DLGAP2: variants seen among roughly 807,000 people sequenced by gnomAD.
The protein encoded by DLGAP2 is disks large-associated protein 2.
In DLGAP2, 26 loss-of-function variants were observed where a neutral mutation model predicts 100.3. That is an observed-to-expected ratio of 0.26 (90% CI 0.19 to 0.36). DLGAP2 has a LOEUF of 0.36. Ranked by LOEUF, DLGAP2 falls within the 10% of genes least tolerant of loss-of-function variation. DLGAP2 has a pLI of 1.00. For missense variants in DLGAP2, 1,858 were observed against 1,453.2 expected, an observed-to-expected ratio of 1.28 and a Z score of -4.53; for synonymous variants, 886 against 630.1, an observed-to-expected ratio of 1.41 and a Z score of -6.08.
chr8:1,037,123 A>G (rs1168097484), intron 2 of DLGAP2, among the ~76,000 whole-genome samples: 1 of 152,070 alleles, frequency 6.6e-6, no homozygotes, highest in Non-Finnish European at 1.5e-5. Flanking sequence ...ATGGTCACGT[A>G]GAGAGAGAGG....
intron 4 of DLGAP2, among the ~76,000 whole-genome samples, chr8:1,542,245 TTATGGGGATATAAG>T (rs1481942331): frequency 4.6e-5 from 7 of 152,248 alleles, no homozygotes; most frequent in Non-Finnish European, 8.8e-5. Flanking sequence ...TATTCGAGCT[TTATGGGGATATAAG>T]TCACACACCA....
chr8:1,009,615 T>C (rs1192816465), intron 2 of DLGAP2, among the ~76,000 whole-genome samples: 1 of 152,226 alleles, frequency 6.6e-6, no homozygotes, highest in Non-Finnish European at 1.5e-5. Context: ...CTTGTTTCAG[T>C]TGGAAGCAGA....
At chr8:1,320,345 G>A (rs773810926) in intron 3 of DLGAP2, among the ~76,000 whole-genome samples, 4 of 151,956 alleles carry the variant, frequency 2.6e-5, no homozygotes, top group East Asian at 1.9e-4. Context: ...GCCAGGACTC[G>A]AGGGAACCGT....
chr8:1,135,627 C>T (rs1019413683), intron 2 of DLGAP2, among the ~76,000 whole-genome samples: 4 of 145,104 alleles, frequency 2.8e-5, no homozygotes, highest in African/African-American at 5.1e-5. Context: ...TCAAGGTGAT[C>T]CCTTCCTCAC....
At chr8:909,723 G>T (rs945741849) in intron 2 of DLGAP2, among the ~76,000 whole-genome samples, 4 of 152,154 alleles carry the variant, frequency 2.6e-5, no homozygotes, top group African/African-American at 9.7e-5. Flanking sequence ...TGTGGATAAG[G>T]GAAGGAGTGG....
chr8:1,298,959 G>T (rs758252909), intron 3 of DLGAP2, among the ~76,000 whole-genome samples: 1 of 152,120 alleles, frequency 6.6e-6, no homozygotes, highest in East Asian at 1.9e-4. Flanking sequence ...CGGCATTCAC[G>T]TCTGTCTCAG....
chr8:1,147,247 T>C (rs1365834905), intron 2 of DLGAP2, among the ~76,000 whole-genome samples: 1 of 152,154 alleles, frequency 6.6e-6, no homozygotes, highest in Non-Finnish European at 1.5e-5. Flanking sequence ...TATTGTAAAC[T>C]TTATGTGCGT....
chr8:1,288,317 G>C (rs1799985789), intron 3 of DLGAP2, among the ~76,000 whole-genome samples: 1 of 147,756 alleles, frequency 6.8e-6, no homozygotes, highest in East Asian at 2.1e-4. Flanking sequence ...TGTTAGGAGG[G>C]GAACTAGTTT....
At chr8:1,238,487 T>TAC (rs1798714017) in intron 2 of DLGAP2, among the ~76,000 whole-genome samples, 1 of 140,486 alleles carries the variant, frequency 7.1e-6, no homozygotes, top group African/African-American at 2.6e-5. Flanking sequence ...CATGTCTGCT[T>TAC]CTCTCACATG....
chr8:1,357,532 A>G (rs1786273113), intron 3 of DLGAP2, among the ~76,000 whole-genome samples: 1 of 152,128 alleles, frequency 6.6e-6, no homozygotes, highest in Non-Finnish European at 1.5e-5. Context: ...GTAGTGAGAC[A>G]GCAAATATTT....
rs147714168 is a variant in DLGAP2 at position 1,154,717 on chromosome 8, T to C, written c.74-104134T>C. On this transcript the variant is annotated intron_variant, in intron 2 of 14. Transcript: ENST00000637795. ...CCGCAGTCGAGGACCGAGCTGCCTT[T>C]TCTCCCGGAGTCGGTCAGGATTTCC... 2.9e-3 allele frequency among the ~76,000 whole-genome samples: 437 copies of C among 152,266 alleles called. 1 individual carries two copies. The highest frequency in any genetic ancestry group is 9.5e-3 in the African/African-American group (394 of 41,552).
chr8:1,329,625 G>A (rs563070582), intron 3 of DLGAP2, among the ~76,000 whole-genome samples: 36 of 152,254 alleles, frequency 2.4e-4, no homozygotes, highest in African/African-American at 7.7e-4. Context: ...TGGGGTAGCC[G>A]AGGGGAATGA....
intron 2 of DLGAP2, among the ~76,000 whole-genome samples, chr8:1,054,541 C>T (rs1040200289): frequency 7.9e-5 from 12 of 152,042 alleles, no homozygotes; most frequent in African/African-American, 2.9e-4. Flanking sequence ...GATATTTCTG[C>T]AAATATTTAT....
chr8:1,351,047 G>A (rs1341962250), intron 3 of DLGAP2, among the ~76,000 whole-genome samples: 1 of 74,496 alleles, frequency 1.3e-5, no homozygotes, highest in Non-Finnish European at 2.5e-5. Flanking sequence ...ACTGTGTGTG[G>A]AAAGGCCGTG....
chr8:1,104,768 C>T (rs2701942), intron 2 of DLGAP2: 143,793 of 152,282 alleles, frequency 0.94, 68,027 homozygotes, highest in Non-Finnish European at 0.97. Context: ...TGCCCGAGGC[C>T]TGTCAGCGAG....
At chr8:1,159,924 C>A (rs899695425) in intron 2 of DLGAP2, among the ~76,000 whole-genome samples, 2 of 152,184 alleles carry the variant, frequency 1.3e-5, no homozygotes, top group East Asian at 1.9e-4. Flanking sequence ...GCTCCCACCT[C>A]CCTGTGAGAT....
intron 2 of DLGAP2, among the ~76,000 whole-genome samples, chr8:1,051,095 G>A (rs1802672963): frequency 6.6e-6 from 1 of 151,756 alleles, no homozygotes; most frequent in Admixed American, 6.6e-5. Context: ...TTTGTGGGCA[G>A]GGGGTCATTT....
intron 2 of DLGAP2, among the ~76,000 whole-genome samples, chr8:1,208,903 A>C (rs1042021638): frequency 6.7e-6 from 1 of 149,730 alleles, no homozygotes; most frequent in Admixed American, 6.8e-5. Flanking sequence ...TAAATAAATA[A>C]ATAAATAAAA....
chr8:839,811 CTG>C (rs779245347), intron 1 of DLGAP2, among the ~76,000 whole-genome samples: 1 of 152,240 alleles, frequency 6.6e-6, no homozygotes, highest in African/African-American at 2.4e-5. Context: ...GCCTTCAGAT[CTG>C]TCTCCACTGA....
Sources: gnomAD v4.1 joint callset for allele counts (sites outside exome capture counted in the v4.1 genomes callset) on GRCh38, gnomAD v4.1.1 for gene constraint, MANE v1.5 for transcripts, NCBI Gene and HGNC (gene_info 2026-07-23, HGNC 2026-07-21) for gene names.